The following KCMF1 variants were observed in gnomAD, a reference collection of about 807,000 sequenced individuals.
KCMF1 encodes E3 ubiquitin-protein ligase KCMF1.
In KCMF1, 3 loss-of-function variants were observed where a neutral mutation model predicts 41.1. The observed-to-expected ratio is 0.07, with a 90% confidence interval of 0.03 to 0.19. KCMF1 has a LOEUF of 0.19. Among genes scored for constraint, KCMF1 ranks in the 10% least tolerant of loss-of-function variants. The probability of loss-of-function intolerance (pLI) is 1.00; values close to 1 mark genes in which losing one functional copy is unlikely to be tolerated. For synonymous variants in KCMF1, 142 were observed against 164.5 expected (o/e 0.86, Z 1.04); for missense variants, 286 against 488.9 (o/e 0.58, Z 3.91).
chr2:85,008,342 T>TATA (rs1674547809), intron 1 of KCMF1, among the ~76,000 whole-genome samples: 1 of 55,948 alleles, frequency 1.8e-5, no homozygotes, highest in African/African-American at 6.7e-5. Flanking sequence ...TATAATATGA[T>TATA]ATATAATATA....
intron 3 of KCMF1, among the ~76,000 whole-genome samples, chr2:85,037,934 A>G (rs994551878): frequency 2.0e-5 from 3 of 152,180 alleles, no homozygotes; most frequent in South Asian, 2.1e-4. Context: ...CAGGAGCGCA[A>G]TCCCTTTTGT....
At chr2:85,005,588 C>G (rs1336918201) in intron 1 of KCMF1, among the ~76,000 whole-genome samples, 1 of 152,060 alleles carries the variant, frequency 6.6e-6, no homozygotes, top group Admixed American at 6.5e-5. Context: ...CTGTGCCTGG[C>G]CTAACTTTTT....
At chr2:85,052,321 T>C (rs1460910651) in intron 6 of KCMF1, among the ~76,000 whole-genome samples, 1 of 152,210 alleles carries the variant, frequency 6.6e-6, no homozygotes, top group Non-Finnish European at 1.5e-5. Flanking sequence ...TCCGCCCGCC[T>C]TGGCCTCCCA....
At chr2:85,004,530 A>T (rs1043291447) in intron 1 of KCMF1, among the ~76,000 whole-genome samples, 8 of 151,832 alleles carry the variant, frequency 5.3e-5, no homozygotes, top group East Asian at 1.9e-4. Flanking sequence ...ATAATAATAA[A>T]AAAAAAGAGA....
chr2:85,003,191 T>A (rs1351438250), intron 1 of KCMF1, among the ~76,000 whole-genome samples: 1 of 152,206 alleles, frequency 6.6e-6, no homozygotes, highest in Non-Finnish European at 1.5e-5. Context: ...TTCATCTTGT[T>A]GGCCGGGCGC....
At chr2:85,037,890 TC>T (rs1420735884) in intron 3 of KCMF1, among the ~76,000 whole-genome samples, 2 of 152,180 alleles carry the variant, frequency 1.3e-5, no homozygotes, top group African/African-American at 2.4e-5. Context: ...TGAACTCCAC[TC>T]CCTGTCAGAT....
intron 6 of KCMF1, among the ~76,000 whole-genome samples, chr2:85,051,247 T>G (rs913935287): frequency 1.3e-5 from 2 of 152,238 alleles, no homozygotes; most frequent in African/African-American, 4.8e-5. Context: ...AGCTACCTGC[T>G]GCCATGTAGC....
At chr2:85,047,653 A>G (rs1043729355) in intron 5 of KCMF1, among the ~76,000 whole-genome samples, 2 of 152,034 alleles carry the variant, frequency 1.3e-5, no homozygotes, top group African/African-American at 2.4e-5. Flanking sequence ...AGTCTAGTAC[A>G]TGACAAACCT....
At chr2:84,975,700 C>A (rs1559123365) in intron 1 of KCMF1, among the ~76,000 whole-genome samples, 1 of 152,178 alleles carries the variant, frequency 6.6e-6, no homozygotes, top group Non-Finnish European at 1.5e-5. Context: ...TGAACCCAAT[C>A]ATTTTTTATC....
chr2:85,004,825 C>CTATG (rs1553378851), intron 1 of KCMF1, among the ~76,000 whole-genome samples: 2 of 151,660 alleles, frequency 1.3e-5, no homozygotes, highest in Non-Finnish European at 2.9e-5. Flanking sequence ...GACTGTAGGC[C>CTATG]TATTTATTTA....
chr2:85,042,242 A>T (rs1675557942), intron 3 of KCMF1, among the ~76,000 whole-genome samples: 1 of 152,208 alleles, frequency 6.6e-6, no homozygotes, highest in South Asian at 2.1e-4. Context: ...ACAGCTGATT[A>T]GGCATAAGAG....
At chr2:85,011,589 G>T (rs1674654032) in intron 1 of KCMF1, among the ~76,000 whole-genome samples, 1 of 152,224 alleles carries the variant, frequency 6.6e-6, no homozygotes, top group African/African-American at 2.4e-5. Flanking sequence ...GGCCTTCTGA[G>T]CAGGATGCAA....
intron 2 of KCMF1, among the ~76,000 whole-genome samples, chr2:85,033,339 C>T (rs1462406313): frequency 1.3e-5 from 2 of 151,992 alleles, no homozygotes; most frequent in South Asian, 2.1e-4. Context: ...ACTGAATATA[C>T]TTTAATTTTA....
At chr2:85,000,313 C>A (rs1206486940) in intron 1 of KCMF1, among the ~76,000 whole-genome samples, 1 of 151,250 alleles carries the variant, frequency 6.6e-6, no homozygotes, top group South Asian at 2.1e-4. Context: ...TTAGTAGAGA[C>A]GGGGTTTCAC....
At chr2:85,009,755 T>C (rs924240554) in intron 1 of KCMF1, among the ~76,000 whole-genome samples, 4 of 152,214 alleles carry the variant, frequency 2.6e-5, no homozygotes, top group African/African-American at 9.6e-5. Flanking sequence ...TTTTCAACGA[T>C]GCCTTGAGTT....
intron 1 of KCMF1, among the ~76,000 whole-genome samples, chr2:85,000,464 C>T (rs1367771845): frequency 6.6e-6 from 1 of 152,106 alleles, no homozygotes; most frequent in Admixed American, 6.6e-5. Context: ...TAGCAAGAAC[C>T]CTGTGTTTCA....
chr2:85,039,971 C>A (rs988525774), intron 3 of KCMF1, among the ~76,000 whole-genome samples: 1 of 152,060 alleles, frequency 6.6e-6, no homozygotes, highest in Admixed American at 6.6e-5. Flanking sequence ...TGCCACCACG[C>A]CTGGCTAATT....
At chr2:85,013,974 A>G (rs1674709598) in intron 1 of KCMF1, 1 of 152,036 alleles carries the variant, frequency 6.6e-6, no homozygotes, top group Non-Finnish European at 1.5e-5. Context: ...TTATTAGCCG[A>G]GTATATGATG....
At chr2:85,018,524 C>T (rs1674845547) in intron 1 of KCMF1, among the ~76,000 whole-genome samples, 1 of 152,136 alleles carries the variant, frequency 6.6e-6, no homozygotes. Context: ...CCCGCTTCGG[C>T]CTCCCAAAGC....
Sources: allele counts gnomAD v4.1 joint callset (sites outside exome capture counted in the v4.1 genomes callset), GRCh38; gene constraint gnomAD v4.1.1; transcripts MANE v1.5; gene names NCBI Gene and HGNC (gene_info 2026-07-23, HGNC 2026-07-21).